The following OVCH1 variants were observed in gnomAD, a reference collection of about 807,000 sequenced individuals.
OVCH1 encodes the protein ovochymase 1, also known as ovochymase-1.
In OVCH1, 139 loss-of-function variants were observed where a neutral mutation model predicts 138.4. The ratio of observed to expected loss-of-function variants is 1.00; its 90% CI spans 0.87 to 1.16. The LOEUF (loss-of-function observed/expected upper bound fraction) is 1.16, where lower values mean the gene tolerates loss of function less well. Ranked by LOEUF, OVCH1 falls within the 50% of genes most tolerant of loss-of-function variation. The pLI is 0.00. For synonymous variants in OVCH1, 453 were observed against 467.8 expected (o/e 0.97, Z 0.41); for missense variants, 1,367 against 1,357.9 (o/e 1.01, Z -0.11).
At chr12:29,403,646 C>A in the OVCH1 span, among the ~76,000 whole-genome samples, 2 of 152,190 alleles carry the variant, frequency 1.3e-5, no homozygotes, top group East Asian at 1.9e-4. Flanking sequence ...AAATTAAATA[C>A]CTTATAAACA....
chr12:29,422,297 A>G (rs557794995), intron 3 of OVCH1, among the ~76,000 whole-genome samples: 1 of 152,198 alleles, frequency 6.6e-6, no homozygotes, highest in African/African-American at 2.4e-5. Flanking sequence ...GGAGACAGAA[A>G]GGTCAATTAG....
chr12:29,445,190 A>C, intron 23 of OVCH1, 88 bp downstream of exon 23: 1 of 1,344,884 alleles, frequency 7.4e-7, no homozygotes, highest in Non-Finnish European at 1.0e-6. Context: ...AATTTCTTTC[A>C]AAATGTTGTA....
At chr12:29,496,194 C>T in exon 3 of OVCH1, 1 of 1,606,864 alleles carries the variant, frequency 6.2e-7, no homozygotes, top group Non-Finnish European at 8.5e-7. Context: ...CTGAGGCTGT[C>T]CAGGCAGTGT....
chr12:29,446,295 G>C (rs1454879804), intron 22 of OVCH1, among the ~76,000 whole-genome samples: 1 of 152,004 alleles, frequency 6.6e-6, no homozygotes, highest in African/African-American at 2.4e-5. Context: ...CCAAGAAAGA[G>C]AAAAGAAGAA....
At chr12:29,444,847 T>C (rs1941572493) in intron 23 of OVCH1, among the ~76,000 whole-genome samples, 2 of 152,058 alleles carry the variant, frequency 1.3e-5, no homozygotes. Flanking sequence ...GTAGTTTGTT[T>C]TCAAAACTTA....
At chr12:29,407,651 G>A (rs1367183942), downstream of OVCH1, among the ~76,000 whole-genome samples, 2 of 152,096 alleles carry the variant, frequency 1.3e-5, no homozygotes, top group East Asian at 3.9e-4. Flanking sequence ...GCTCTGTTCT[G>A]TTCCATTGGT....
At chr12:29,447,760 A>G (rs1193492981) in intron 22 of OVCH1, among the ~76,000 whole-genome samples, 3 of 152,132 alleles carry the variant, frequency 2.0e-5, no homozygotes, top group Non-Finnish European at 2.9e-5. Flanking sequence ...TACTAATGAA[A>G]TGAAAGCCAA....
chr12:29,478,921 A>G (rs752601064), intron 8 of OVCH1: 7 of 1,558,234 alleles, frequency 4.5e-6, no homozygotes, highest in East Asian at 4.6e-5. Context: ...TGTAAATTTT[A>G]TCAGGATTAT....
intron 10 of OVCH1, 26 bp from the exon 11 acceptor site, chr12:29,477,504 A>C: frequency 6.2e-7 from 1 of 1,613,962 alleles, no homozygotes. Flanking sequence ...GGAAAGTGAA[A>C]TAACATTACT....
downstream of OVCH1, among the ~76,000 whole-genome samples, chr12:29,423,463 G>A (rs1192918039): frequency 6.6e-6 from 1 of 152,190 alleles, no homozygotes; most frequent in African/African-American, 2.4e-5. Flanking sequence ...CATGATTTGA[G>A]TGCCACAATG....
chr12:29,451,221 G>C (rs1383978731), intron 22 of OVCH1, 124 bp downstream of exon 22: 1 of 565,620 alleles, frequency 1.8e-6, no homozygotes, highest in African/African-American at 1.9e-5. Flanking sequence ...AAGGGAAAAA[G>C]CATTCCTATT....
chr12:29,433,807 T>C, exon 27 of OVCH1: 1 of 1,408,016 alleles, frequency 7.1e-7, no homozygotes, highest in South Asian at 1.4e-5. Context: ...CTTCTTACAT[T>C]ATCATACTAA....
chr12:29,495,447 T>C, exon 4 of OVCH1: 1 of 1,612,590 alleles, frequency 6.2e-7, no homozygotes, highest in Non-Finnish European at 8.5e-7. Context: ...GTTATATTCT[T>C]CAGCTGCTTC....
At chr12:29,479,921 T>A (rs1156734053) in intron 8 of OVCH1, among the ~76,000 whole-genome samples, 1 of 151,644 alleles carries the variant, frequency 6.6e-6, no homozygotes, top group Non-Finnish European at 1.5e-5. Flanking sequence ...CCTCCCAGGT[T>A]CAAGCGATTC....
chr12:29,484,690 T>C (rs1943038351), intron 8 of OVCH1, among the ~76,000 whole-genome samples, 23 bp downstream of exon 9: 1 of 152,130 alleles, frequency 6.6e-6, no homozygotes, highest in Admixed American at 6.5e-5. Context: ...GCCCCAGAAA[T>C]CATTCCTATG....
At chr12:29,418,440 T>C (rs1941060282) in intron 3 of OVCH1, among the ~76,000 whole-genome samples, 1 of 152,216 alleles carries the variant, frequency 6.6e-6, no homozygotes, top group Non-Finnish European at 1.5e-5. Context: ...CATGAAAGTA[T>C]GTGTTTATAC....
chr12:29,451,472 C>T, exon 22 of OVCH1: 1 of 1,613,372 alleles, frequency 6.2e-7, no homozygotes, highest in Non-Finnish European at 8.5e-7. Flanking sequence ...AAACTCTGAG[C>T]ACCCAAGAAC....
chr12:29,439,536 C>G, intron 25 of OVCH1: 1 of 1,331,690 alleles, frequency 7.5e-7, no homozygotes, highest in Non-Finnish European at 9.7e-7. Flanking sequence ...AAATCTCTAT[C>G]TCTACTACAA....
chr12:29,456,900 TTAA>T (rs1164757467), intron 19 of OVCH1, among the ~76,000 whole-genome samples: 1 of 152,242 alleles, frequency 6.6e-6, no homozygotes, highest in Non-Finnish European at 1.5e-5. Flanking sequence ...TTTCCAATTT[TTAA>T]TCAGGTCTTT....
Sources: allele counts gnomAD v4.1 joint callset (sites outside exome capture counted in the v4.1 genomes callset), GRCh38; gene constraint gnomAD v4.1.1; transcripts MANE v1.5; gene names NCBI Gene and HGNC (gene_info 2026-07-23, HGNC 2026-07-21).